The following LAMP3 variants were observed in gnomAD, a reference collection of about 807,000 sequenced individuals.
LAMP3 encodes lysosome-associated membrane glycoprotein 3.
LAMP3 carries 26 observed loss-of-function variants against 34.8 expected under a neutral mutation model. That is an observed-to-expected ratio of 0.75 (90% CI 0.55 to 1.04). The LOEUF is 1.04. Among genes scored for constraint, LAMP3 ranks in the 50% least tolerant of loss-of-function variants. The pLI is 0.00. For missense variants in LAMP3, 495 were observed against 524.0 expected (o/e 0.94, Z 0.54); for synonymous variants, 180 against 201.9 (o/e 0.89, Z 0.92).
At chr3:183,154,433 T>G in intron 1 of LAMP3, 42 bp from the exon 2 acceptor site, 1 of 1,447,452 alleles carries the variant, frequency 6.9e-7, no homozygotes, top group Non-Finnish European at 9.4e-7. Context: ...ACTAACCGAT[T>G]GCTTACAAGG....
Position 183,149,828 on chromosome 3 carries a change from C to A in LAMP3, c.888+2547G>T, listed in dbSNP as rs193043862. Among the ~76,000 whole-genome samples, 608 of 151,358 alleles carry A rather than the reference C, an allele frequency of 4.0e-3. 10 individuals carry two copies. Among genetic ancestry groups the A allele is most frequent in the Non-Finnish European group, 1.5e-3 (103 of 67,900 alleles). ...TGCCTATATCAAAATATCTCATGTA[C>A]CCCATAAATATATACACCTACTATG... On this transcript the variant is annotated intron_variant, in intron 3 of 5. Transcript: ENST00000265598.
intron 5 of LAMP3, 45 bp from the exon 6 acceptor site, chr3:183,124,259 T>C (rs1045388321): frequency 8.1e-6 from 12 of 1,478,882 alleles, no homozygotes; most frequent in South Asian, 5.7e-5. Flanking sequence ...GGTTTGGTGA[T>C]GCAGTCCAGA....
At chr3:183,142,259 G>A (rs541794095) in intron 3 of LAMP3, among the ~76,000 whole-genome samples, 19 of 152,174 alleles carry the variant, frequency 1.2e-4, no homozygotes, top group African/African-American at 3.9e-4. Context: ...AGCGTCCATC[G>A]AAGGGTTTTA....
intron 4 of LAMP3, among the ~76,000 whole-genome samples, chr3:183,137,194 T>A (rs187829823): frequency 5.9e-5 from 9 of 151,764 alleles, no homozygotes; most frequent in African/African-American, 2.2e-4. Context: ...GGTGGGCACA[T>A]GCAATCCCAG....
At position 183,122,352 on chromosome 3, in the gene LAMP3, T is replaced by C. The variant is rs1216816649; in HGVS notation, c.*1729A>G. 1.3e-5 allele frequency: 2 copies of C among 152,224 alleles called. No homozygotes were observed. The highest frequency in any genetic ancestry group is 3.8e-4 in the East Asian group (2 of 5,198). 9.4% of individuals were successfully genotyped at this position (152,224 alleles called of 1,614,324 possible). On this transcript the variant is annotated 3_prime_UTR_variant, in exon 6 of 6. Transcript: ENST00000265598. ...AACATGGTCTCTAGGCTGACTTGAA[T>C]TATTCCTTGACTAAGAATTCTAGGG...
chr3:183,125,170 C>T (rs987231949), intron 5 of LAMP3, among the ~76,000 whole-genome samples: 5 of 152,148 alleles, frequency 3.3e-5, no homozygotes. Context: ...TGATAGAATA[C>T]TCTAATGAAG....
In LAMP3 at chr3:183,127,142, A is replaced by AT. The variant is rs1046287297; in HGVS notation, c.1118-2929dup. On this transcript the variant is annotated intron_variant, in intron 5 of 5. Coordinates refer to ENST00000265598, the MANE Select transcript of LAMP3 (RefSeq NM_014398.4). ...ATCTCCCCTCTCTTCAACTCCCCCA[A>AT]TTTTTTTTTTGAGACAGGGTCTTGC... Among the ~76,000 whole-genome samples, 173 of 149,230 alleles carry AT rather than the reference A, an allele frequency of 1.2e-3. 1 individual carries two copies. The highest frequency in any genetic ancestry group is 4.9e-3 in the South Asian group (23 of 4,730).
At position 183,133,341 on chromosome 3, in the gene LAMP3, G is replaced by A. The variant is rs529246564; in HGVS notation, c.1117+2376C>T. Among the ~76,000 whole-genome samples, 34 of 152,198 alleles carry A rather than the reference G, an allele frequency of 2.2e-4. 2 individuals carry two copies. The South Asian group carries it at 4.8e-3, about 21-fold the overall frequency. Reference sequence around the variant, plus strand: ...TGACTCTCAAACTAGAGTAATTCCCGGAGCCATATTCTCCAACTCTAGTAA... The same window carrying A: ...TGACTCTCAAACTAGAGTAATTCCCAGAGCCATATTCTCCAACTCTAGTAA... On this transcript the variant is annotated intron_variant, in intron 5 of 5. Coordinates refer to ENST00000265598, the MANE Select transcript of LAMP3 (RefSeq NM_014398.4).
upstream of LAMP3, chr3:183,162,926 C>G (rs1286325429): frequency 2.1e-6 from 1 of 476,076 alleles, no homozygotes; most frequent in African/African-American, 2.1e-5. Context: ...GCAGCGCCGG[C>G]CTCCTCCGCT....
At chr3:183,126,040 TAAAAC>T (rs1284120161) in intron 5 of LAMP3, among the ~76,000 whole-genome samples, 1 of 152,260 alleles carries the variant, frequency 6.6e-6, no homozygotes, top group South Asian at 2.1e-4. Flanking sequence ...TACAAAAAGT[TAAAAC>T]AAAATGTAAT....
chr3:183,149,652 T>A (rs1400443365), intron 3 of LAMP3, among the ~76,000 whole-genome samples: 1 of 146,492 alleles, frequency 6.8e-6, no homozygotes, highest in East Asian at 2.0e-4. Context: ...GATCTGATAC[T>A]TGATAGCACA....
At chr3:183,156,940 A>G (rs1441927998) in intron 1 of LAMP3, among the ~76,000 whole-genome samples, 1 of 152,156 alleles carries the variant, frequency 6.6e-6, no homozygotes, top group Admixed American at 6.5e-5. Context: ...AGAAGACACA[A>G]AAGCAGAGGA....
intron 1 of LAMP3, among the ~76,000 whole-genome samples, chr3:183,155,054 A>G (rs567757805): frequency 6.6e-6 from 1 of 152,314 alleles, no homozygotes; most frequent in African/African-American, 2.4e-5. Flanking sequence ...AGCTGGGATT[A>G]AAGGCACCTG....
Position 183,162,689 on chromosome 3 carries a change from CGA to C in LAMP3, c.-36_-35del. On this transcript the variant is annotated 5_prime_UTR_variant, in exon 1 of 6. Coordinates refer to ENST00000265598, the MANE Select transcript of LAMP3 (RefSeq NM_014398.4). ...CTGGGCGAGGTTCTGCAGCGTGCGG[CGA>C]AGTCCGGGCAGGCCCCGAATCGGTG... 6.7e-7 allele frequency: 1 copy of C among 1,500,748 alleles called. No homozygotes were observed. Among genetic ancestry groups the C allele is most frequent in the Non-Finnish European group, 8.8e-7 (1 of 1,131,110 alleles). The allele number at this position is 1,500,748 out of a possible 1,614,324, so 93.0% of individuals were successfully genotyped here. A position where few individuals can be genotyped will look rare whatever the true frequency, so the allele number is the denominator to read the frequency against.
chr3:183,160,422 AG>A, intron 1 of LAMP3, among the ~76,000 whole-genome samples: 1 of 152,300 alleles, frequency 6.6e-6, no homozygotes, highest in Middle Eastern at 3.4e-3. Flanking sequence ...TTTGAGACAC[AG>A]TCCACTATGT....
intron 1 of LAMP3, among the ~76,000 whole-genome samples, chr3:183,156,750 A>T (rs1303125867): frequency 6.6e-6 from 1 of 152,212 alleles, no homozygotes; most frequent in Admixed American, 6.5e-5. Flanking sequence ...TTTGGTGGGT[A>T]CTACTTTATC....
At chr3:183,156,381 A>ACAACAACAG (rs1460297227) in intron 1 of LAMP3, among the ~76,000 whole-genome samples, 1 of 151,664 alleles carries the variant, frequency 6.6e-6, no homozygotes, top group Non-Finnish European at 1.5e-5. Flanking sequence ...AACAACAACA[A>ACAACAACAG]CAAACAGACG....
rs768002785 is a variant in LAMP3 at position 183,152,437 on chromosome 3, TG to T, written c.825del (p.Thr276ProfsTer8). 6.2e-7 allele frequency: 1 copy of T among 1,612,916 alleles called. No homozygotes were observed. Among genetic ancestry groups the T allele is most frequent in the African/African-American group, 1.3e-5 (1 of 74,824 alleles). On this transcript the variant is annotated frameshift_variant, in exon 3 of 6. Transcript: ENST00000265598. LOFTEE classifies it high-confidence loss of function. ...PNATQASGNC[G>X]TRKSNLLLNF... ...TTCAACAGAAGGTTGGATTTTCGGG[TG>T]CCACAGTTCCCAGAGGCTTGCGTTG...
intron 5 of LAMP3, among the ~76,000 whole-genome samples, chr3:183,134,402 C>T (rs1720021271): frequency 6.6e-6 from 1 of 152,168 alleles, no homozygotes; most frequent in African/African-American, 2.4e-5. Flanking sequence ...GTTTTATTTC[C>T]TACCTCTGCC....
Sources: allele counts gnomAD v4.1 joint callset (sites outside exome capture counted in the v4.1 genomes callset), GRCh38; gene constraint gnomAD v4.1.1; transcripts MANE v1.5; gene names NCBI Gene and HGNC (gene_info 2026-07-23, HGNC 2026-07-21).